The following PLEK variants were observed in gnomAD, a reference collection of about 807,000 sequenced individuals.
PLEK encodes pleckstrin, also known as platelet 47 kDa protein.
PLEK carries 25 observed loss-of-function variants against 43.9 expected under a neutral mutation model. That is an observed-to-expected ratio of 0.57 (90% CI 0.41 to 0.79). The LOEUF (loss-of-function observed/expected upper bound fraction) is 0.79, where lower values mean the gene tolerates loss of function less well. Ranked by LOEUF, PLEK falls within the 30% of genes least tolerant of loss-of-function variation. The pLI is 0.00. For missense variants in PLEK, 396 were observed against 413.3 expected (o/e 0.96, Z 0.36); for synonymous variants, 152 against 144.4 (o/e 1.05, Z -0.38).
At chr2:68,389,830 T>C (rs1673825153) in intron 6 of PLEK, among the ~76,000 whole-genome samples, 1 of 152,188 alleles carries the variant, frequency 6.6e-6, no homozygotes, top group Non-Finnish European at 1.5e-5. Context: ...TGCTTTCTCG[T>C]TGGTTTTGCC....
chr2:68,388,524 T>G (rs1338632023), intron 6 of PLEK, 33 bp downstream of exon 6: 1 of 1,099,462 alleles, frequency 9.1e-7, no homozygotes, highest in South Asian at 1.3e-5. Context: ...ATCTAGCCTT[T>G]TCCCTTTACA....
At chr2:68,365,463 G>C (rs976112788) in intron 1 of PLEK, 70 bp downstream of exon 1, 3 of 1,150,658 alleles carry the variant, frequency 2.6e-6, no homozygotes, top group Non-Finnish European at 4.0e-6. Context: ...CAGCTCCACC[G>C]GCTACCTGCT....
At chr2:68,370,660 A>G (rs1394962589) in intron 1 of PLEK, among the ~76,000 whole-genome samples, 1 of 151,970 alleles carries the variant, frequency 6.6e-6, no homozygotes. Context: ...TAATTTTTAT[A>G]TTTTTAGAAG....
At chr2:68,369,314 C>G (rs1673345054) in intron 1 of PLEK, among the ~76,000 whole-genome samples, 1 of 152,128 alleles carries the variant, frequency 6.6e-6, no homozygotes, top group Non-Finnish European at 1.5e-5. Flanking sequence ...GGTTTGCAAC[C>G]CAGCAGTGTG....
rs1234222084 is a variant in PLEK at position 68,378,768 on chromosome 2, A to G, written c.43-1560A>G. Among the ~76,000 whole-genome samples the G allele has an allele frequency of 2.0e-5, 3 of 152,200 alleles. No individual in the cohort carries two copies. In the East Asian group the frequency reaches 5.8e-4, roughly 29 times the overall value. On this transcript the variant is annotated intron_variant, in intron 1 of 8. Coordinates refer to ENST00000234313, the MANE Select transcript of PLEK (RefSeq NM_002664.3). ...AGAAATCTCTGAGGTAGTCATTCTT[A>G]TCATTTTAGTGCTGGGAACTGAGCC...
intron 5 of PLEK, among the ~76,000 whole-genome samples, chr2:68,387,727 T>C (rs2103779991): frequency 6.6e-6 from 1 of 152,262 alleles, no homozygotes; most frequent in South Asian, 2.1e-4. Context: ...AAACATGAAG[T>C]GAACACCCTA....
intron 6 of PLEK, among the ~76,000 whole-genome samples, chr2:68,390,002 A>T (rs917820713): frequency 1.3e-5 from 2 of 150,626 alleles, no homozygotes; most frequent in Admixed American, 6.7e-5. Context: ...GCAAACCCTA[A>T]TCTAGAATGG....
In PLEK at chr2:68,379,715, T is replaced by C. The variant is rs561044891; in HGVS notation, c.43-613T>C. ...AGGGTTTGGGTGGGGATGAAGTAGATAATAAGAAGGATTGGTTGCTCTTTT... is the reference window on the plus strand; with the variant it reads ...AGGGTTTGGGTGGGGATGAAGTAGACAATAAGAAGGATTGGTTGCTCTTTT... On this transcript the variant is annotated intron_variant, in intron 1 of 8. Transcript: ENST00000234313. Among the ~76,000 whole-genome samples the C allele has an allele frequency of 4.3e-4, 66 of 152,220 alleles. 1 individual carries two copies. The Middle Eastern group carries it at 0.01, about 24-fold the overall frequency.
intron 5 of PLEK, 109 bp downstream of exon 5, chr2:68,386,795 G>T: frequency 1.3e-6 from 1 of 791,600 alleles, no homozygotes; most frequent in Non-Finnish European, 2.1e-6. Flanking sequence ...GCAGCGGGTA[G>T]GGAGGTCAGC....
intron 1 of PLEK, among the ~76,000 whole-genome samples, chr2:68,379,897 A>G (rs899319611): frequency 2.6e-5 from 4 of 152,216 alleles, no homozygotes; most frequent in African/African-American, 9.6e-5. Flanking sequence ...CATACTGAAG[A>G]CAATTAAAGA....
chr2:68,381,635 G>T (rs368822882), intron 3 of PLEK, among the ~76,000 whole-genome samples: 29 of 152,292 alleles, frequency 1.9e-4, no homozygotes, highest in African/African-American at 7.0e-4. Context: ...TGTCCAACAA[G>T]AATTTTGTTT....
At chr2:68,381,940 A>C (rs745959156) in intron 3 of PLEK, among the ~76,000 whole-genome samples, 13 of 152,232 alleles carry the variant, frequency 8.5e-5, no homozygotes, top group Non-Finnish European at 1.9e-4. Flanking sequence ...CACAGGCTAC[A>C]TGGAAGGGGC....
intron 1 of PLEK, 136 bp from the exon 2 acceptor site, chr2:68,380,192 T>C (rs1673584431): frequency 1.5e-6 from 1 of 659,500 alleles, no homozygotes; most frequent in African/African-American, 1.8e-5. Flanking sequence ...AGAGGATTTG[T>C]GTTGAAGGAA....
intron 1 of PLEK, among the ~76,000 whole-genome samples, chr2:68,371,188 A>G (rs866471339): frequency 1.3e-5 from 2 of 152,196 alleles, no homozygotes; most frequent in Non-Finnish European, 2.9e-5. Context: ...TCTGTTAACA[A>G]GCATGCTTGA....
chr2:68,389,802 G>A (rs2103782630), intron 6 of PLEK, among the ~76,000 whole-genome samples: 1 of 152,180 alleles, frequency 6.6e-6, no homozygotes, highest in South Asian at 2.1e-4. Flanking sequence ...AGTTGCCTAC[G>A]GACAGTTTGC....
At chr2:68,378,379 A>G (rs1673546716) in intron 1 of PLEK, among the ~76,000 whole-genome samples, 2 of 152,222 alleles carry the variant, frequency 1.3e-5, no homozygotes, top group Non-Finnish European at 2.9e-5. Flanking sequence ...ACAATAATGG[A>G]GGAGGCCTGC....
chr2:68,367,464 T>C (rs1451635546), intron 1 of PLEK, among the ~76,000 whole-genome samples: 1 of 152,214 alleles, frequency 6.6e-6, no homozygotes, highest in Non-Finnish European at 1.5e-5. Context: ...TCATTTGATA[T>C]TTTAAAGAAA....
intron 1 of PLEK, among the ~76,000 whole-genome samples, chr2:68,368,793 A>G (rs533459800): frequency 1.3e-5 from 2 of 152,242 alleles, no homozygotes; most frequent in South Asian, 2.1e-4. Flanking sequence ...CTAGAGGTTT[A>G]TGGAGCAAGC....
At chr2:68,375,447 A>G (rs1407453181) in intron 1 of PLEK, among the ~76,000 whole-genome samples, 5 of 152,246 alleles carry the variant, frequency 3.3e-5, no homozygotes, top group African/African-American at 1.2e-4. Context: ...TAAAACAGAA[A>G]GGCATTTTAC....
Sources: gnomAD v4.1 joint callset for allele counts (sites outside exome capture counted in the v4.1 genomes callset) on GRCh38, gnomAD v4.1.1 for gene constraint, MANE v1.5 for transcripts, NCBI Gene and HGNC (gene_info 2026-07-23, HGNC 2026-07-21) for gene names.